The following HCN1 variants were observed in gnomAD, a reference collection of about 807,000 sequenced individuals.
HCN1 encodes the protein potassium/sodium hyperpolarization-activated cyclic nucleotide-gated channel 1.
In HCN1, 13 loss-of-function variants were observed where a neutral mutation model predicts 78.9. The observed-to-expected ratio is 0.16, with a 90% CI of 0.11 to 0.26. The LOEUF is 0.26. Among genes scored for constraint, HCN1 ranks in the 10% least tolerant of loss-of-function variants. The probability of loss-of-function intolerance (pLI) is 1.00; values close to 1 mark genes in which losing one functional copy is unlikely to be tolerated. For synonymous variants in HCN1, 552 were observed against 455.5 expected (o/e 1.21, Z -2.70); for missense variants, 810 against 1,154.3 (o/e 0.70, Z 4.32).
chr5:45,684,183 G>A (rs573483446), intron 1 of HCN1, among the ~76,000 whole-genome samples: 1 of 152,284 alleles, frequency 6.6e-6, no homozygotes, highest in South Asian at 2.1e-4. Context: ...ATGGGTCAGA[G>A]GGTCAATAGC....
chr5:45,327,525 A>C (rs1427213053), intron 5 of HCN1, among the ~76,000 whole-genome samples: 1 of 151,656 alleles, frequency 6.6e-6, no homozygotes, highest in Non-Finnish European at 1.5e-5. Flanking sequence ...AGGCAAGAGT[A>C]CTAAGATAAA....
chr5:45,350,364 G>A (rs1251105163), intron 5 of HCN1, among the ~76,000 whole-genome samples: 1 of 152,142 alleles, frequency 6.6e-6, no homozygotes, highest in Admixed American at 6.6e-5. Context: ...AGGTATTGAT[G>A]GGGCGTATCT....
At chr5:45,462,044 A>T (rs893938730) in intron 2 of HCN1, 37 bp from the exon 3 acceptor site, 4 of 1,563,816 alleles carry the variant, frequency 2.6e-6, no homozygotes, top group East Asian at 4.7e-5. Context: ...CTTATAATCA[A>T]TTTTTTAGAA....
chr5:45,283,670 G>A (rs1278490853), intron 6 of HCN1, among the ~76,000 whole-genome samples: 1 of 152,052 alleles, frequency 6.6e-6, no homozygotes, highest in Non-Finnish European at 1.5e-5. Flanking sequence ...CAGAGAAAAG[G>A]AAACACTTAT....
chr5:45,299,122 A>G (rs1000738120), intron 6 of HCN1, among the ~76,000 whole-genome samples: 15 of 152,018 alleles, frequency 9.9e-5, no homozygotes, highest in Non-Finnish European at 1.9e-4. Context: ...AAAGTAGCCA[A>G]AGAAGACATT....
chr5:45,508,774 T>A (rs1184004107), intron 2 of HCN1, among the ~76,000 whole-genome samples: 1 of 152,158 alleles, frequency 6.6e-6, no homozygotes, highest in Non-Finnish European at 1.5e-5. Flanking sequence ...TTGAAACAGA[T>A]GATGCAAGTA....
intron 2 of HCN1, among the ~76,000 whole-genome samples, chr5:45,490,135 T>G: frequency 6.6e-6 from 1 of 152,082 alleles, no homozygotes; most frequent in East Asian, 1.9e-4. Flanking sequence ...GGGAACAACA[T>G]GTGCAAAATA....
intron 3 of HCN1, among the ~76,000 whole-genome samples, chr5:45,402,813 CTCCTTCCTTCCTTCCTTCCT>C (rs71000635): frequency 7.7e-4 from 76 of 98,434 alleles, no homozygotes; most frequent in African/African-American, 2.1e-3. Context: ...CCTTTCTTTC[CTCCTTCCTTCCTTCCTTCCT>C]TCCTTCCTTC....
intron 2 of HCN1, among the ~76,000 whole-genome samples, chr5:45,607,584 T>C (rs1174566843): frequency 6.7e-6 from 1 of 148,734 alleles, no homozygotes; most frequent in South Asian, 2.1e-4. Flanking sequence ...TATCATTATA[T>C]ATATATATAT....
chr5:45,564,551 C>T (rs1220861991), intron 2 of HCN1, among the ~76,000 whole-genome samples: 1 of 152,146 alleles, frequency 6.6e-6, no homozygotes, highest in African/African-American at 2.4e-5. Flanking sequence ...CATGCCCACA[C>T]AGAAAAGTCA....
chr5:45,361,052 G>C (rs1418821901), intron 4 of HCN1, among the ~76,000 whole-genome samples: 1 of 151,988 alleles, frequency 6.6e-6, no homozygotes. Context: ...TATTTTATTT[G>C]TTTTTCTCTG....
intron 5 of HCN1, among the ~76,000 whole-genome samples, chr5:45,332,633 C>G (rs1247605897): frequency 2.0e-5 from 3 of 151,424 alleles, no homozygotes; most frequent in Non-Finnish European, 1.5e-5. Context: ...CCCCATTACC[C>G]TCCCACTATC....
intron 2 of HCN1, 197 bp downstream of exon 2, chr5:45,644,988 G>C: frequency 1.8e-6 from 1 of 547,882 alleles, no homozygotes; most frequent in Admixed American, 3.5e-5. Context: ...ATTTTTTTCA[G>C]TTCATTCAAA....
intron 4 of HCN1, among the ~76,000 whole-genome samples, chr5:45,369,095 G>A (rs774542454): frequency 2.7e-5 from 4 of 148,804 alleles, no homozygotes; most frequent in Non-Finnish European, 4.5e-5. Flanking sequence ...TCTTTTTCAT[G>A]TGGCTTTTTT....
At position 45,262,547 on chromosome 5, in the gene HCN1, G is replaced by T. The variant is rs745344977; in HGVS notation, c.2047C>A (p.Pro683Thr). 3.1e-6 allele frequency: 5 copies of T among 1,613,924 alleles called. No individual in the cohort carries two copies. The highest frequency in any genetic ancestry group is 4.2e-6 in the Non-Finnish European group (5 of 1,180,008). ...GATGGCTGGGGGGTCTGTGTGCTGG[G>T]ACTGGGGGAGTGCAGGTTGCTGTGA... Reference protein sequence around the residue: ...LSHSNLHSPSPSTQTPQPSAI... With the variant: ...LSHSNLHSPSTSTQTPQPSAI... Residue 683 changes from proline (P) to threonine (T), a missense_variant, in exon 8 of 8, where the codon CCC becomes ACC. Coordinates refer to ENST00000303230, the MANE Select transcript of HCN1 (RefSeq NM_021072.4).
chr5:45,613,004 TC>T (rs1744870157), intron 2 of HCN1, among the ~76,000 whole-genome samples: 1 of 152,114 alleles, frequency 6.6e-6, no homozygotes, highest in South Asian at 2.1e-4. Context: ...AGGAAGGAAT[TC>T]TTTTTTTTAT....
intron 3 of HCN1, among the ~76,000 whole-genome samples, chr5:45,435,300 C>A (rs1740541003): frequency 6.6e-6 from 1 of 152,012 alleles, no homozygotes; most frequent in Non-Finnish European, 1.5e-5. Context: ...TCTGATATAT[C>A]TCTTGCAGAA....
In HCN1 at chr5:45,526,424, T is replaced by TTCATGCACTTTTCA. The variant is rs1742736894; in HGVS notation, c.850-64431_850-64418dup. On this transcript the variant is annotated intron_variant, in intron 2 of 7. Transcript: ENST00000303230. ...CAGTTTCAGCCACTGGCCTTCGGCC[T>TTCATGCACTTTTCA]TCATGCACTTTTCATCCTGATAACC... Among the ~76,000 whole-genome samples, 5 of 152,196 alleles carry TTCATGCACTTTTCA rather than the reference T, an allele frequency of 3.3e-5. No homozygotes were observed. The South Asian group carries it at 1.0e-3, about 32-fold the overall frequency.
At chr5:45,392,643 C>T (rs1739600180) in intron 4 of HCN1, among the ~76,000 whole-genome samples, 1 of 152,008 alleles carries the variant, frequency 6.6e-6, no homozygotes, top group East Asian at 1.9e-4. Flanking sequence ...TCTAGACCAG[C>T]CTGGCCAACA....
Sources: gnomAD v4.1 joint callset for allele counts (sites outside exome capture counted in the v4.1 genomes callset) on GRCh38, gnomAD v4.1.1 for gene constraint, MANE v1.5 for transcripts, NCBI Gene and HGNC (gene_info 2026-07-23, HGNC 2026-07-21) for gene names.